CBLB: variants seen among roughly 807,000 people sequenced by gnomAD.
CBLB encodes the protein Cbl proto-oncogene B.
In CBLB, 31 loss-of-function variants were observed where a neutral mutation model predicts 104.9. The observed-to-expected ratio is 0.30, with a 90% CI of 0.22 to 0.40. CBLB has a LOEUF of 0.40. Ranked by LOEUF, CBLB falls within the 10% of genes least tolerant of loss-of-function variation. The pLI is 1.00. For missense variants in CBLB, 1,062 were observed against 1,214.6 expected (o/e 0.87, Z 1.87); for synonymous variants, 440 against 422.6 (o/e 1.04, Z -0.51).
intron 5 of CBLB, among the ~76,000 whole-genome samples, chr3:105,747,090 G>T (rs573019233): frequency 3.4e-4 from 51 of 152,218 alleles, no homozygotes; most frequent in African/African-American, 1.2e-3. Context: ...CTGATTAGTT[G>T]TCTCTCCAGT....
Position 105,819,456 on chromosome 3 carries a change from C to T in CBLB, c.419+33958G>A, listed in dbSNP as rs1194945023. On this transcript the variant is annotated intron_variant, in intron 3 of 18. Coordinates refer to ENST00000394030, the MANE Select transcript of CBLB (RefSeq NM_170662.5). ...GAGCTGAGATTGTGCCACTGAACTCCAGCCTGGGCAACAGAGCAAGACTCC... is the reference window on the plus strand; with the variant it reads ...GAGCTGAGATTGTGCCACTGAACTCTAGCCTGGGCAACAGAGCAAGACTCC... Among the ~76,000 whole-genome samples, 4 of 150,124 alleles carry T rather than the reference C, an allele frequency of 2.7e-5. No individual in the cohort carries two copies. In the East Asian group the frequency reaches 5.9e-4, roughly 22 times the overall value.
chr3:105,709,744 T>A (rs150463096), intron 10 of CBLB, among the ~76,000 whole-genome samples: 1 of 151,900 alleles, frequency 6.6e-6, no homozygotes, highest in Admixed American at 6.6e-5. Flanking sequence ...AAGGAAAGAA[T>A]CATACAATTT....
chr3:105,733,964 T>C (rs762008750), intron 9 of CBLB, 45 bp downstream of exon 9: 231 of 1,575,428 alleles, frequency 1.5e-4, no homozygotes, highest in Non-Finnish European at 1.7e-4. Context: ...AGAGAAATAT[T>C]AGTAGGACAT....
Position 105,658,879 on chromosome 3 carries a change from T to C in CBLB, c.*91A>G. 7.1e-7 allele frequency: 1 copy of C among 1,416,872 alleles called. No individual in the cohort carries two copies. The highest frequency in any genetic ancestry group is 9.9e-7 in the Non-Finnish European group (1 of 1,009,758). The allele number at this position is 1,416,872 out of a possible 1,614,324, so 87.8% of individuals were successfully genotyped here. ...AAGCTGCTACACGAGGAGGAGACACTTCTCTCTTGAATTCCATCTCAGTTC... is the reference window on the plus strand; with the variant it reads ...AAGCTGCTACACGAGGAGGAGACACCTCTCTCTTGAATTCCATCTCAGTTC... On this transcript the variant is annotated 3_prime_UTR_variant, in exon 19 of 19. Coordinates refer to ENST00000394030, the MANE Select transcript of CBLB (RefSeq NM_170662.5).
At chr3:105,796,297 A>G (rs934080467) in intron 3 of CBLB, among the ~76,000 whole-genome samples, 2 of 152,110 alleles carry the variant, frequency 1.3e-5, no homozygotes, top group African/African-American at 4.8e-5. Flanking sequence ...CCTCACACCT[A>G]CAACCATCTG....
chr3:105,855,673 C>G (rs1443083415), intron 2 of CBLB, among the ~76,000 whole-genome samples: 1 of 152,112 alleles, frequency 6.6e-6, no homozygotes, highest in African/African-American at 2.4e-5. Flanking sequence ...ACACCCAAAA[C>G]TGGAAGTATA....
At chr3:105,716,031 T>G (rs2071810311) in intron 10 of CBLB, among the ~76,000 whole-genome samples, 1 of 152,062 alleles carries the variant, frequency 6.6e-6, no homozygotes, top group Admixed American at 6.6e-5. Context: ...AAAGCGAGAC[T>G]CCAGCTCTAA....
At chr3:105,736,156 C>T (rs371271850) in intron 8 of CBLB, among the ~76,000 whole-genome samples, 55 of 151,976 alleles carry the variant, frequency 3.6e-4, no homozygotes, top group African/African-American at 1.2e-3. Context: ...TTACACAAGG[C>T]GTGAACATAT....
At chr3:105,834,082 T>C (rs1178455039) in intron 3 of CBLB, among the ~76,000 whole-genome samples, 1 of 45,772 alleles carries the variant, frequency 2.2e-5, no homozygotes, top group African/African-American at 9.2e-5. Context: ...CACAATTTCC[T>C]GGGGTGGGGG....
chr3:105,808,477 T>C (rs1178605141), intron 3 of CBLB, among the ~76,000 whole-genome samples: 3 of 152,198 alleles, frequency 2.0e-5, no homozygotes, highest in African/African-American at 7.2e-5. Context: ...ATAAACTTTA[T>C]GCCAGTTTCA....
chr3:105,714,613 C>T (rs1026598623), intron 10 of CBLB, among the ~76,000 whole-genome samples: 3 of 152,082 alleles, frequency 2.0e-5, no homozygotes, highest in Non-Finnish European at 2.9e-5. Context: ...AGAGCTCAGG[C>T]GGTAATGCGA....
chr3:105,783,198 G>C (rs754000199), intron 3 of CBLB, among the ~76,000 whole-genome samples: 1 of 152,028 alleles, frequency 6.6e-6, no homozygotes, highest in Non-Finnish European at 1.5e-5. Context: ...ATAAAGAAAA[G>C]GTTACTTAAC....
chr3:105,824,692 T>A (rs1444037572), intron 3 of CBLB, among the ~76,000 whole-genome samples: 1 of 152,094 alleles, frequency 6.6e-6, no homozygotes, highest in Non-Finnish European at 1.5e-5. Context: ...ACTGTGGGAT[T>A]CAAGGTGGCA....
intron 3 of CBLB, among the ~76,000 whole-genome samples, chr3:105,836,967 C>CAAAAAA (rs34209714): frequency 6.9e-6 from 1 of 145,008 alleles, no homozygotes. Flanking sequence ...AAAACAAGAC[C>CAAAAAA]AAAAAAAAAA....
At chr3:105,803,547 C>T (rs1200362030) in intron 3 of CBLB, among the ~76,000 whole-genome samples, 1 of 152,110 alleles carries the variant, frequency 6.6e-6, no homozygotes, top group African/African-American at 2.4e-5. Flanking sequence ...ATTCTCAAGT[C>T]GAAAGTCAGG....
At chr3:105,727,397 T>G (rs1244191491) in intron 9 of CBLB, among the ~76,000 whole-genome samples, 1 of 151,214 alleles carries the variant, frequency 6.6e-6, no homozygotes, top group Admixed American at 6.6e-5. Context: ...TTTGACTTTG[T>G]TTTTTTTTCT....
chr3:105,765,025 A>T (rs1275630830), intron 4 of CBLB, among the ~76,000 whole-genome samples: 1 of 152,230 alleles, frequency 6.6e-6, no homozygotes, highest in Non-Finnish European at 1.5e-5. Context: ...ATGGGGTTTA[A>T]GAAAAGAAGC....
chr3:105,804,046 T>C (rs1033015517), intron 3 of CBLB, among the ~76,000 whole-genome samples: 4 of 152,190 alleles, frequency 2.6e-5, no homozygotes, highest in African/African-American at 9.7e-5. Context: ...TTAAACTGCC[T>C]AGCTTCAACA....
chr3:105,660,355 T>A (rs1385182775), intron 18 of CBLB, among the ~76,000 whole-genome samples: 1 of 138,424 alleles, frequency 7.2e-6, no homozygotes, highest in African/African-American at 2.9e-5. Context: ...GCCTGGCTAA[T>A]TTTTTTTTTT....
Sources: allele counts gnomAD v4.1 joint callset (sites outside exome capture counted in the v4.1 genomes callset), GRCh38; gene constraint gnomAD v4.1.1; transcripts MANE v1.5; gene names NCBI Gene and HGNC (gene_info 2026-07-23, HGNC 2026-07-21).